Variants in TBCK observed in about 807,000 individuals in gnomAD.
TBCK encodes TBC domain-containing protein kinase-like protein.
Under a neutral mutation model 113.4 loss-of-function variants are expected in TBCK, and 99 were observed. That is an observed-to-expected ratio of 0.87 (90% CI 0.74 to 1.03). The LOEUF (loss-of-function observed/expected upper bound fraction) is 1.03, where lower values mean the gene tolerates loss of function less well. TBCK is among the 50% of genes least tolerant of loss of function. The pLI is 0.00. For synonymous variants in TBCK, 369 were observed against 370.8 expected, an observed-to-expected ratio of 1.00 and a Z score of 0.05; for missense variants, 1,045 against 1,061.3, an observed-to-expected ratio of 0.98 and a Z score of 0.21.
At chr4:106,288,049 G>GT (rs1765294617) in intron 3 of TBCK, among the ~76,000 whole-genome samples, 3 of 148,398 alleles carry the variant, frequency 2.0e-5, no homozygotes, top group Non-Finnish European at 3.0e-5. Flanking sequence ...ACACAATACT[G>GT]TTTCTCTATG....
intron 25 of TBCK, among the ~76,000 whole-genome samples, chr4:106,090,206 A>G (rs1383576151): frequency 6.6e-6 from 1 of 152,216 alleles, no homozygotes; most frequent in Non-Finnish European, 1.5e-5. Context: ...TGAACATCAC[A>G]TGAAAGCTGC....
At chr4:106,180,132 T>G (rs77947935) in intron 22 of TBCK, among the ~76,000 whole-genome samples, 258 of 152,092 alleles carry the variant, frequency 1.7e-3, no homozygotes, top group Non-Finnish European at 3.2e-3. Context: ...AAGGTAGAGT[T>G]TCTTGTAGAC....
chr4:106,267,773 T>C (rs574585264), intron 3 of TBCK, among the ~76,000 whole-genome samples: 3 of 152,020 alleles, frequency 2.0e-5, no homozygotes, highest in African/African-American at 7.2e-5. Context: ...TAATCCCAAG[T>C]ATATTTTTTT....
intron 23 of TBCK, among the ~76,000 whole-genome samples, chr4:106,132,315 C>A: frequency 6.6e-6 from 1 of 152,216 alleles, no homozygotes; most frequent in Admixed American, 6.5e-5. Flanking sequence ...TGCAACACAA[C>A]TGCTTCAGCT....
chr4:106,202,984 G>C (rs1380713815), intron 20 of TBCK, among the ~76,000 whole-genome samples: 2 of 151,926 alleles, frequency 1.3e-5, no homozygotes, highest in Non-Finnish European at 2.9e-5. Context: ...ATAAATAGAT[G>C]ATATAGAAAT....
intron 23 of TBCK, among the ~76,000 whole-genome samples, chr4:106,133,271 T>G (rs775020966): frequency 1.3e-5 from 2 of 152,276 alleles, no homozygotes; most frequent in Non-Finnish European, 2.9e-5. Flanking sequence ...ATAAGTCTCA[T>G]GAGATCTGAT....
At position 106,131,320 on chromosome 4, in the gene TBCK, T is replaced by G. The variant is rs113802087; in HGVS notation, c.2236-14942A>C. Among the ~76,000 whole-genome samples, 6 of 152,262 alleles carry G rather than the reference T, an allele frequency of 3.9e-5. 1 individual carries two copies. The highest frequency in any genetic ancestry group is 1.4e-4 in the African/African-American group (6 of 41,574). On this transcript the variant is annotated intron_variant, in intron 23 of 25. Coordinates refer to ENST00000394708, the MANE Select transcript of TBCK (RefSeq NM_001163435.3). ...TCATTATTAGCAGCATGAAAAGAGA[T>G]TAATACAGTAGGCCAGGCGCCGTGG...
chr4:106,254,817 C>T (rs1761811670), intron 5 of TBCK: 1 of 152,074 alleles, frequency 6.6e-6, no homozygotes. Context: ...TCTTGGCTCC[C>T]TCAACTGTTC....
intron 23 of TBCK, among the ~76,000 whole-genome samples, chr4:106,154,632 T>G (rs1056336416): frequency 6.6e-6 from 1 of 152,154 alleles, no homozygotes; most frequent in African/African-American, 2.4e-5. Flanking sequence ...CCCCCCTCTC[T>G]TATTCCTGTT....
intron 25 of TBCK, among the ~76,000 whole-genome samples, chr4:106,049,417 C>T (rs1734564270): frequency 6.6e-6 from 1 of 151,910 alleles, no homozygotes; most frequent in South Asian, 2.1e-4. Context: ...TCATTACTGA[C>T]TCTTAAAGGG....
intron 2 of TBCK, among the ~76,000 whole-genome samples, chr4:106,301,833 T>C (rs573363375): frequency 6.6e-6 from 1 of 152,106 alleles, no homozygotes; most frequent in East Asian, 1.9e-4. Context: ...AGAGGAAAAG[T>C]AGAATCAAAA....
chr4:106,164,220 A>C (rs1560745224), intron 23 of TBCK, among the ~76,000 whole-genome samples: 1 of 152,106 alleles, frequency 6.6e-6, no homozygotes, highest in Non-Finnish European at 1.5e-5. Flanking sequence ...TAATGGCAGA[A>C]GAATTGAACC....
chr4:106,273,942 C>G (rs1022473840), intron 3 of TBCK, among the ~76,000 whole-genome samples: 1 of 152,164 alleles, frequency 6.6e-6, no homozygotes, highest in Non-Finnish European at 1.5e-5. Flanking sequence ...TTTGGTCTTT[C>G]GAAATAGCCC....
At chr4:106,082,771 T>C (rs1739035137) in intron 25 of TBCK, among the ~76,000 whole-genome samples, 1 of 151,912 alleles carries the variant, frequency 6.6e-6, no homozygotes, top group African/African-American at 2.4e-5. Context: ...GGTATCCAGG[T>C]TCTCTCATCA....
chr4:106,062,373 T>A (rs1156702913), intron 25 of TBCK, among the ~76,000 whole-genome samples: 1 of 151,778 alleles, frequency 6.6e-6, no homozygotes, highest in African/African-American at 2.4e-5. Flanking sequence ...CCCTAATAAG[T>A]CTTGTGGTAA....
At chr4:106,231,595 A>G in intron 18 of TBCK, 134 bp downstream of exon 18, 1 of 722,810 alleles carries the variant, frequency 1.4e-6, no homozygotes, top group South Asian at 2.0e-5. Context: ...AAATGAGTCT[A>G]TAATAGATTA....
intron 24 of TBCK, among the ~76,000 whole-genome samples, chr4:106,102,447 T>C (rs1411200787): frequency 6.6e-6 from 1 of 152,144 alleles, no homozygotes; most frequent in Non-Finnish European, 1.5e-5. Context: ...GTTTCAGGCA[T>C]CAAGTGAAGG....
At chr4:106,288,387 C>A (rs1028017994) in intron 3 of TBCK, among the ~76,000 whole-genome samples, 2 of 151,430 alleles carry the variant, frequency 1.3e-5, no homozygotes, top group Non-Finnish European at 2.9e-5. Context: ...AAGCGAGACT[C>A]CGTCTCAAAA....
chr4:106,095,521 G>T lies in TBCK; in HGVS notation c.2532C>A (p.Val844=). The change falls in exon 25 of 26, where the codon GTC becomes GTA. Residue 844 remains valine (V), a synonymous_variant. Coordinates refer to ENST00000394708, the MANE Select transcript of TBCK (RefSeq NM_001163435.3). Reference sequence around the variant, plus strand: ...TTGCCACATGCCCCACGATGACAATGACCTTCCCTTTGAAGTTCTGGAGCA... The same window carrying T: ...TTGCCACATGCCCCACGATGACAATTACCTTCCCTTTGAAGTTCTGGAGCA... The part of the protein sequence containing the change: ...TAMLQNFKGK[V]IVIVGHVAKH... The T allele has an allele frequency of 6.2e-7, 1 of 1,614,030 alleles. No homozygotes were observed. The highest frequency in any genetic ancestry group is 1.1e-5 in the South Asian group (1 of 91,046).
Sources: allele counts gnomAD v4.1 joint callset (sites outside exome capture counted in the v4.1 genomes callset), GRCh38; gene constraint gnomAD v4.1.1; transcripts MANE v1.5; gene names NCBI Gene and HGNC (gene_info 2026-07-23, HGNC 2026-07-21).